ACSBG2: variants seen among roughly 807,000 people sequenced by gnomAD.
The protein encoded by ACSBG2 is acyl-CoA synthetase bubblegum family member 2.
Under a neutral mutation model 74.7 loss-of-function variants are expected in ACSBG2, and 62 were observed. That is an observed-to-expected ratio of 0.83 (90% CI 0.68 to 1.03). The LOEUF is 1.03. Ranked by LOEUF, ACSBG2 falls within the 50% of genes least tolerant of loss-of-function variation. The pLI is 0.00. For missense variants in ACSBG2, 730 were observed against 817.6 expected (o/e 0.89, Z 1.31); for synonymous variants, 309 against 294.1 (o/e 1.05, Z -0.52).
intron 1 of ACSBG2, among the ~76,000 whole-genome samples, chr19:6,139,090 TTA>T (rs1402145474): frequency 2.8e-5 from 2 of 71,164 alleles, no homozygotes; most frequent in Non-Finnish European, 5.2e-5. Context: ...AAAATTAAAC[TTA>T]TTTTTTTTTT....
chr19:6,174,011 A>C lies in ACSBG2; in HGVS notation c.739-3218A>C, dbSNP rs893550440. Among the ~76,000 whole-genome samples, 1 of 149,228 alleles carries C rather than the reference A, an allele frequency of 6.7e-6. No individual in the cohort carries two copies. Among genetic ancestry groups the C allele is most frequent in the Non-Finnish European group, 1.5e-5 (1 of 67,616 alleles). On this transcript the variant is annotated intron_variant, in intron 7 of 14. Transcript: ENST00000588485. This position sits in a 1 kb window ranked among gnomAD's most constrained non-coding sequence, Gnocchi z 4.2. Reference sequence around the variant, plus strand: ...GAGAGCAGTGGCACAATCTCGACTCACTGCAACCTCTGCCTCCCAATTTCA... The same window carrying C: ...GAGAGCAGTGGCACAATCTCGACTCCCTGCAACCTCTGCCTCCCAATTTCA...
chr19:6,190,814 C>G, intron 14 of ACSBG2, 122 bp downstream of exon 14: 3 of 317,540 alleles, frequency 9.4e-6, no homozygotes, highest in Non-Finnish European at 1.7e-5. Flanking sequence ...CACATACATA[C>G]ACACACACAC....
intron 1 of ACSBG2, among the ~76,000 whole-genome samples, chr19:6,140,692 G>A (rs1186149221): frequency 6.6e-6 from 1 of 152,088 alleles, no homozygotes; most frequent in Non-Finnish European, 1.5e-5. Flanking sequence ...GTGATCTTAA[G>A]TCTGATTACT....
chr19:6,179,606 A>G (rs2090188958), intron 8 of ACSBG2, among the ~76,000 whole-genome samples: 1 of 152,154 alleles, frequency 6.6e-6, no homozygotes, highest in South Asian at 2.1e-4. Context: ...TAGTGACTTA[A>G]AACAATATTT....
chr19:6,179,611 A>ATATT (rs1232525862), intron 8 of ACSBG2, among the ~76,000 whole-genome samples: 6 of 152,196 alleles, frequency 3.9e-5, no homozygotes, highest in African/African-American at 9.6e-5. Context: ...ACTTAAAACA[A>ATATT]TATTTATTTA....
chr19:6,143,140 G>A (rs757022567), intron 2 of ACSBG2, among the ~76,000 whole-genome samples: 2 of 152,080 alleles, frequency 1.3e-5, no homozygotes, highest in Non-Finnish European at 2.9e-5. Flanking sequence ...TGCCTCCCAG[G>A]CTCAAGCGAT....
chr19:6,156,786 ATTTT>A (rs113271517), intron 5 of ACSBG2, among the ~76,000 whole-genome samples: 1 of 128,534 alleles, frequency 7.8e-6, no homozygotes. Flanking sequence ...CTCAGCCTCC[ATTTT>A]TTTTTTTTTT....
At chr19:6,185,920 T>C (rs2090392800) in intron 11 of ACSBG2, among the ~76,000 whole-genome samples, 1 of 152,180 alleles carries the variant, frequency 6.6e-6, no homozygotes, top group Non-Finnish European at 1.5e-5. Flanking sequence ...CCTTTCAGAA[T>C]AGCACCAGCC....
At chr19:6,156,327 A>G in intron 4 of ACSBG2, 104 bp from the exon 5 acceptor site, 1 of 1,324,652 alleles carries the variant, frequency 7.5e-7, no homozygotes, top group Non-Finnish European at 1.0e-6. Flanking sequence ...GTGGCTGCAA[A>G]CTTAAGAACT....
At chr19:6,145,172 G>A (rs2088983551) in intron 2 of ACSBG2, among the ~76,000 whole-genome samples, 1 of 152,070 alleles carries the variant, frequency 6.6e-6, no homozygotes, top group South Asian at 2.1e-4. Flanking sequence ...GCCGAGGCAG[G>A]CGGATCACAA....
chr19:6,187,499 A>T, intron 12 of ACSBG2, 77 bp downstream of exon 12: 1 of 1,602,824 alleles, frequency 6.2e-7, no homozygotes, highest in South Asian at 1.1e-5. Flanking sequence ...CAGGGTCAAG[A>T]GGATGCATCT....
At chr19:6,162,660 A>G (rs922086824) in intron 6 of ACSBG2, among the ~76,000 whole-genome samples, 3 of 152,044 alleles carry the variant, frequency 2.0e-5, no homozygotes, top group Non-Finnish European at 4.4e-5. Flanking sequence ...TTAAAAGACT[A>G]CTTTGTTAGC....
intron 4 of ACSBG2, among the ~76,000 whole-genome samples, chr19:6,153,114 A>G (rs1361226953): frequency 1.3e-5 from 2 of 152,024 alleles, no homozygotes; most frequent in Admixed American, 6.6e-5. Flanking sequence ...GCGTGGTGGC[A>G]GGTGCCTGTT....
chr19:6,144,673 GT>G (rs1017357653), intron 2 of ACSBG2, among the ~76,000 whole-genome samples: 1 of 151,540 alleles, frequency 6.6e-6, no homozygotes, highest in Admixed American at 6.6e-5. Context: ...ACCAGTGTCT[GT>G]TTTTTTTGTT....
intron 3 of ACSBG2, among the ~76,000 whole-genome samples, chr19:6,151,130 G>C (rs956165157): frequency 7.0e-6 from 1 of 143,580 alleles, no homozygotes; most frequent in African/African-American, 2.6e-5. Context: ...AAAAAAAAAA[G>C]AAAATGGTAA....
intron 2 of ACSBG2, among the ~76,000 whole-genome samples, chr19:6,143,738 T>A (rs1568216652): frequency 6.6e-6 from 1 of 152,084 alleles, no homozygotes; most frequent in Non-Finnish European, 1.5e-5. Flanking sequence ...ATCACCCCCA[T>A]CTCCCCAGGT....
chr19:6,166,559 C>T (rs940594338), intron 7 of ACSBG2, among the ~76,000 whole-genome samples: 2 of 152,102 alleles, frequency 1.3e-5, no homozygotes, highest in South Asian at 2.1e-4. Context: ...GGTGATCCAC[C>T]GCCTTGGCCT....
chr19:6,164,560 G>A (rs1453735036), intron 6 of ACSBG2, among the ~76,000 whole-genome samples: 1 of 151,866 alleles, frequency 6.6e-6, no homozygotes, highest in Non-Finnish European at 1.5e-5. Flanking sequence ...AGCATCCTGA[G>A]GAGCTGGGAT....
chr19:6,160,917 CG>C (rs2089587340), intron 5 of ACSBG2, among the ~76,000 whole-genome samples: 1 of 151,998 alleles, frequency 6.6e-6, no homozygotes, highest in Non-Finnish European at 1.5e-5. Context: ...CTGGCCAATA[CG>C]GTGAAACCCC....
Sources: gnomAD v4.1 joint callset for allele counts (sites outside exome capture counted in the v4.1 genomes callset) on GRCh38, gnomAD v4.1.1 for gene constraint, Gnocchi (gnomAD v3.1) non-coding constraint, MANE v1.5 for transcripts, NCBI Gene and HGNC (gene_info 2026-07-23, HGNC 2026-07-21) for gene names.